Variants in KDM6A observed in about 807,000 individuals in gnomAD.
The protein encoded by KDM6A is lysine demethylase 6A, also known as lysine-specific demethylase 6A.
Under a neutral mutation model 117.6 loss-of-function variants are expected in KDM6A, and 11 were observed. The observed-to-expected ratio is 0.09, with a 90% CI of 0.06 to 0.15. The LOEUF is 0.15. Among genes scored for constraint, KDM6A ranks in the 10% least tolerant of loss-of-function variants. The probability of loss-of-function intolerance (pLI) is 1.00; values close to 1 mark genes in which losing one functional copy is unlikely to be tolerated. For missense variants in KDM6A, 799 were observed against 1,077.3 expected (o/e 0.74, Z 3.62); for synonymous variants, 384 against 396.1 (o/e 0.97, Z 0.36).
intron 2 of KDM6A, among the ~76,000 whole-genome samples, chrX:44,878,217 T>G (rs958937239): frequency 9.0e-6 from 1 of 111,311 alleles, no homozygotes; most frequent in Non-Finnish European, 1.9e-5. Flanking sequence ...TCCAAAATGC[T>G]CCAATGAGCA....
chrX:44,976,428 A>G (rs1219828019), intron 4 of KDM6A, among the ~76,000 whole-genome samples: 1 of 110,876 alleles, frequency 9.0e-6, no homozygotes, highest in Non-Finnish European at 1.9e-5. Context: ...AGGACCCCTC[A>G]TGGATACCAA....
chrX:44,877,586 C>T (rs1199451281), intron 2 of KDM6A, among the ~76,000 whole-genome samples: 1 of 106,058 alleles, frequency 9.4e-6, no homozygotes, highest in East Asian at 2.9e-4. Context: ...AGAATATATA[C>T]GAATATATAC....
At chrX:45,099,186 T>A (rs2046235484) in intron 27 of KDM6A, among the ~76,000 whole-genome samples, 1 of 111,448 alleles carries the variant, frequency 9.0e-6, no homozygotes, top group African/African-American at 3.3e-5. Context: ...AATAAGGTTA[T>A]TCTCCTACAT....
chrX:44,928,002 G>A (rs2036405311), intron 2 of KDM6A, among the ~76,000 whole-genome samples: 2 of 110,376 alleles, frequency 1.8e-5, no homozygotes, highest in South Asian at 3.8e-4. Flanking sequence ...AAAAGTTTTC[G>A]AGCCATGCAA....
At chrX:44,893,277 C>T (rs1220442060) in intron 2 of KDM6A, among the ~76,000 whole-genome samples, 1 of 111,502 alleles carries the variant, frequency 9.0e-6, no homozygotes, top group Non-Finnish European at 1.9e-5. Context: ...TTTTGCTATA[C>T]TGAGCTTTCC....
chrX:45,062,117 TTTTTAC>T (rs2044330206), intron 15 of KDM6A, among the ~76,000 whole-genome samples: 1 of 111,071 alleles, frequency 9.0e-6, no homozygotes, highest in African/African-American at 3.3e-5. Context: ...TTTTTCTTCT[TTTTTAC>T]ACAAATGATA....
intron 4 of KDM6A, among the ~76,000 whole-genome samples, chrX:44,977,597 T>G (rs1005825048): frequency 1.8e-5 from 2 of 111,380 alleles, no homozygotes; most frequent in East Asian, 2.8e-4. Context: ...GATTCTTTAG[T>G]ATAGATTCCT....
intron 4 of KDM6A, among the ~76,000 whole-genome samples, chrX:45,008,589 A>G (rs1333711171): frequency 9.1e-6 from 1 of 109,414 alleles, no homozygotes; most frequent in Non-Finnish European, 1.9e-5. Flanking sequence ...CTTTTACCAC[A>G]TTCTGAATAT....
chrX:44,953,052 G>A (rs748613631), intron 2 of KDM6A, among the ~76,000 whole-genome samples: 13 of 110,905 alleles, frequency 1.2e-4, no homozygotes, highest in African/African-American at 3.9e-4. Context: ...ACAGGTATGA[G>A]CCATTGCACC....
At chrX:45,040,811 C>T (rs1342652028) in intron 8 of KDM6A, among the ~76,000 whole-genome samples, 4 of 79,173 alleles carry the variant, frequency 5.1e-5, no homozygotes, top group Non-Finnish European at 7.4e-5. Context: ...GGCGGCTGGC[C>T]GGGCGGGGGG....
chrX:44,882,321 A>C (rs1184121252), intron 2 of KDM6A, among the ~76,000 whole-genome samples: 3 of 111,856 alleles, frequency 2.7e-5, no homozygotes, highest in Non-Finnish European at 5.6e-5. Context: ...CCCCTCACTC[A>C]TGTTATTTTG....
In KDM6A at chrX:44,961,364, C is replaced by T. The variant is rs777442302; in HGVS notation, c.306C>T (p.Phe102=). The change falls in exon 3 of 30, where the codon TTC becomes TTT. Residue 102 remains phenylalanine, a synonymous_variant. Transcript: ENST00000611820. Reference sequence around the variant, plus strand: ...ATTTCTTTTGTCAATTAGGTCACTTCAACCTCTTATTGGAAGATTATCCAA... The same window carrying T: ...ATTTCTTTTGTCAATTAGGTCACTTTAACCTCTTATTGGAAGATTATCCAA... ...ESDFFCQLGH[F]NLLLEDYPKA... is the part of the protein sequence containing the mutation. 8.5e-7 allele frequency: 1 copy of T among 1,182,396 alleles called. No homozygotes were observed. The highest frequency in any genetic ancestry group is 1.1e-6 in the Non-Finnish European group (1 of 869,705).
chrX:44,964,450 G>GAAAA (rs565164399), intron 3 of KDM6A, among the ~76,000 whole-genome samples: 1 of 54,225 alleles, frequency 1.8e-5, no homozygotes, highest in African/African-American at 5.8e-5. Context: ...CTCTGTCTCA[G>GAAAA]AAAAAAAAAA....
chrX:44,976,067 T>C (rs2039604717), intron 4 of KDM6A, among the ~76,000 whole-genome samples: 1 of 111,881 alleles, frequency 8.9e-6, no homozygotes, highest in African/African-American at 3.3e-5. Flanking sequence ...CACCCTTCAA[T>C]GTGGCTGCAT....
intron 2 of KDM6A, among the ~76,000 whole-genome samples, chrX:44,908,544 G>T (rs186286573): frequency 9.0e-6 from 1 of 111,326 alleles, no homozygotes; most frequent in African/African-American, 3.3e-5. Flanking sequence ...AGCGTGGCTC[G>T]TTTAAGGTAG....
intron 2 of KDM6A, among the ~76,000 whole-genome samples, chrX:44,942,971 T>C (rs1177656875): frequency 9.0e-6 from 1 of 111,518 alleles, no homozygotes; most frequent in Non-Finnish European, 1.9e-5. Context: ...CTATGTCATG[T>C]GTAGAATGGA....
intron 25 of KDM6A, among the ~76,000 whole-genome samples, chrX:45,086,550 G>GCCT (rs2045647698): frequency 9.0e-6 from 1 of 111,675 alleles, no homozygotes; most frequent in African/African-American, 3.2e-5. Context: ...ACCTGCCTGG[G>GCCT]CCTCCTACAG....
intron 2 of KDM6A, among the ~76,000 whole-genome samples, chrX:44,898,940 TG>T (rs917798657): frequency 5.0e-5 from 5 of 99,556 alleles, no homozygotes; most frequent in African/African-American, 1.2e-4. Flanking sequence ...GTGGTGGTGG[TG>T]GGGGGGTGTT....
intron 2 of KDM6A, among the ~76,000 whole-genome samples, chrX:44,894,058 G>T (rs1602083291): frequency 8.9e-6 from 1 of 111,757 alleles, no homozygotes; most frequent in South Asian, 3.7e-4. Context: ...GAGAATTTTT[G>T]TGTATAAGAT....
Sources: gnomAD v4.1 joint callset for allele counts (sites outside exome capture counted in the v4.1 genomes callset) on GRCh38, gnomAD v4.1.1 for gene constraint, MANE v1.5 for transcripts, NCBI Gene and HGNC (gene_info 2026-07-23, HGNC 2026-07-21) for gene names.